Variants in RNF182 observed in about 807,000 individuals in gnomAD.
The protein encoded by RNF182 is ring finger protein 182.
In RNF182, 15 loss-of-function variants were observed where a neutral mutation model predicts 14.4. The ratio of observed to expected loss-of-function variants is 1.04; its 90% CI spans 0.70 to 1.60. The LOEUF (loss-of-function observed/expected upper bound fraction) is 1.60. Among genes scored for constraint, RNF182 ranks in the 40% most tolerant of loss-of-function variants. The pLI, the probability that RNF182 is intolerant of heterozygous loss-of-function variation, is 0.00. For synonymous variants in RNF182, 128 were observed against 122.9 expected (o/e 1.04, Z -0.27); for missense variants, 268 against 294.8 (o/e 0.91, Z 0.67).
intron 1 of RNF182, 147 bp from the exon 2 acceptor site, chr6:13,974,063 G>A (rs1760262146): frequency 6.6e-6 from 1 of 152,062 alleles, no homozygotes; most frequent in Non-Finnish European, 1.5e-5. Context: ...ACCCTAGAAA[G>A]GTTTAGATTT....
chr6:13,930,183 G>A (rs1221472874), intron 1 of RNF182, among the ~76,000 whole-genome samples: 3 of 152,012 alleles, frequency 2.0e-5, no homozygotes, highest in Admixed American at 2.0e-4. Flanking sequence ...TATTTACATG[G>A]TATTTACATT....
intron 1 of RNF182, among the ~76,000 whole-genome samples, chr6:13,969,401 G>A (rs1246946663): frequency 1.3e-5 from 2 of 152,054 alleles, no homozygotes; most frequent in African/African-American, 4.8e-5. Flanking sequence ...AGCCAGGCCT[G>A]GTCCCAAGTC....
chr6:13,945,331 T>C (rs1759411328), intron 1 of RNF182, among the ~76,000 whole-genome samples: 2 of 152,242 alleles, frequency 1.3e-5, no homozygotes, highest in South Asian at 4.1e-4. Context: ...ACAAAATGTA[T>C]GTATCAAATG....
intron 1 of RNF182, among the ~76,000 whole-genome samples, chr6:13,951,041 C>T (rs1759577540): frequency 6.6e-6 from 1 of 152,122 alleles, no homozygotes; most frequent in Admixed American, 6.5e-5. Context: ...AGGTGATCTG[C>T]CCACCTCAGC....
intron 1 of RNF182, among the ~76,000 whole-genome samples, chr6:13,932,220 T>C (rs889209587): frequency 3.3e-5 from 5 of 152,258 alleles, no homozygotes; most frequent in African/African-American, 1.2e-4. Flanking sequence ...ACATTTCTAA[T>C]GTACTTAATT....
intron 1 of RNF182, chr6:13,949,101 G>A: frequency 1.3e-6 from 1 of 742,262 alleles, no homozygotes; most frequent in South Asian, 1.4e-5. Context: ...CAAGATGGCT[G>A]CCACTGCCTT....
intron 2 of RNF182, among the ~76,000 whole-genome samples, chr6:13,974,786 T>C (rs536614873): frequency 1.6e-3 from 239 of 152,364 alleles, no homozygotes; most frequent in Middle Eastern, 0.01. Context: ...TGCCTAGTTA[T>C]CTTCACTGGC....
Position 13,949,492 on chromosome 6 carries a change from A to G in RNF182, c.-367+24469A>G, listed in dbSNP as rs533485581. The G allele has an allele frequency of 5.1e-6, 3 of 584,280 alleles. No homozygotes were observed. In the South Asian group the frequency reaches 6.3e-5, roughly 12 times the overall value. The allele number at this position is 584,280 out of a possible 1,614,324, so 36.2% of individuals were successfully genotyped here. ...CGAGAAAGGCTGGTTATAAGAAAAA[A>G]TTACGGAAAAAGACACTTGCAAGAA... is the stretch of plus-strand genomic sequence containing the variant. On this transcript the variant is annotated intron_variant, in intron 1 of 2. Transcript: ENST00000488300.
chr6:13,960,500 A>G (rs1468806371), intron 1 of RNF182, among the ~76,000 whole-genome samples: 2 of 152,166 alleles, frequency 1.3e-5, no homozygotes, highest in African/African-American at 2.4e-5. Context: ...AAACACAAAC[A>G]AAAAACCAAA....
In RNF182 at chr6:13,971,067, G is replaced by C. The variant is rs535114057; in HGVS notation, c.-366-3143G>C. On this transcript the variant is annotated intron_variant, in intron 1 of 2. Coordinates refer to ENST00000488300, the MANE Select transcript of RNF182 (RefSeq NM_152737.4). ...AGCATTGTTAGCCACTCCATAGCCT[G>C]CACTAAGTCTGCTTGGACACTGTTT... Among the ~76,000 whole-genome samples the C allele has an allele frequency of 1.2e-4, 18 of 152,164 alleles. No individual in the cohort carries two copies. In the South Asian group the frequency reaches 3.7e-3, roughly 32 times the overall value.
chr6:13,924,967 CTCCCA>C lies in RNF182; in HGVS notation c.-422_-418del. The C allele has an allele frequency of 2.3e-5, 1 of 44,172 alleles. No homozygotes were observed. The highest frequency in any genetic ancestry group is 2.8e-4 in the Admixed American group (1 of 3,634). 2.7% of individuals were successfully genotyped at this position (44,172 alleles called of 1,614,324 possible). ...CCTCCTCCACGGGAACCTCCCTCCCCTCCCAGGCGCCGCCGCAGCCGGAGCGGCTC... is the reference window on the plus strand; with the variant it reads ...CCTCCTCCACGGGAACCTCCCTCCCCGGCGCCGCCGCAGCCGGAGCGGCTC... On this transcript the variant is annotated 5_prime_UTR_variant, in exon 1 of 3. Transcript: ENST00000488300.
chr6:13,946,176 T>TATTATTATG, intron 1 of RNF182, among the ~76,000 whole-genome samples: 1 of 148,194 alleles, frequency 6.7e-6, no homozygotes, highest in South Asian at 2.1e-4. Flanking sequence ...TTATTATTAT[T>TATTATTATG]ATTATTTTGA....
At chr6:13,949,857 A>G (rs1414879178) in intron 1 of RNF182, among the ~76,000 whole-genome samples, 1 of 152,190 alleles carries the variant, frequency 6.6e-6, no homozygotes, top group East Asian at 1.9e-4. Flanking sequence ...CAGTGCTCTA[A>G]GAAAACCCTG....
intron 1 of RNF182, among the ~76,000 whole-genome samples, chr6:13,966,782 C>T (rs1760041709): frequency 6.9e-6 from 1 of 144,792 alleles, no homozygotes; most frequent in African/African-American, 2.5e-5. Context: ...ACCCCCCCAC[C>T]AAAAAAAAGT....
At chr6:13,941,537 T>C (rs1421326216) in intron 1 of RNF182, among the ~76,000 whole-genome samples, 1 of 152,122 alleles carries the variant, frequency 6.6e-6, no homozygotes, top group Non-Finnish European at 1.5e-5. Context: ...GTAAAGTACT[T>C]GATAATATAA....
intron 1 of RNF182, among the ~76,000 whole-genome samples, chr6:13,964,569 C>G (rs1326359540): frequency 6.6e-6 from 1 of 152,170 alleles, no homozygotes; most frequent in African/African-American, 2.4e-5. Context: ...CCCAACGACT[C>G]CTGGAGCCAG....
At chr6:13,974,669 T>A (rs930259095) in intron 2 of RNF182, among the ~76,000 whole-genome samples, 2 of 152,248 alleles carry the variant, frequency 1.3e-5, no homozygotes, top group Admixed American at 1.3e-4. Flanking sequence ...AAAGTAGGAA[T>A]GTGACCTGCT....
At chr6:13,956,552 T>C (rs888697789) in intron 1 of RNF182, among the ~76,000 whole-genome samples, 1 of 152,178 alleles carries the variant, frequency 6.6e-6, no homozygotes, top group South Asian at 2.1e-4. Context: ...CTCAAACTCC[T>C]GACCTCAGGT....
In RNF182 at chr6:13,938,175, A is replaced by ATTTT. The variant is rs1169253099; in HGVS notation, c.-367+13172_-367+13175dup. On this transcript the variant is annotated intron_variant, in intron 1 of 2. Transcript: ENST00000488300. ...CCACCATGCCTGGCTAATTTTTTGTATTTTTTTTTTTTTTTTTTTTTTTAG... is the reference window on the plus strand; with the variant it reads ...CCACCATGCCTGGCTAATTTTTTGTATTTTTTTTTTTTTTTTTTTTTTTTTTTAG... 1.3e-3 allele frequency among the ~76,000 whole-genome samples: 123 copies of ATTTT among 92,682 alleles called. 1 individual carries two copies. The highest frequency in any genetic ancestry group is 4.7e-3 in the African/African-American group (107 of 23,002). The allele number at this position is 92,682 out of a possible 152,430, so 60.8% of individuals were successfully genotyped here. A position where few individuals can be genotyped will look rare whatever the true frequency, so the allele number is the denominator to read the frequency against.
Sources: allele counts gnomAD v4.1 joint callset (sites outside exome capture counted in the v4.1 genomes callset), GRCh38; gene constraint gnomAD v4.1.1; transcripts MANE v1.5; gene names NCBI Gene and HGNC (gene_info 2026-07-23, HGNC 2026-07-21).